The following PDE1C variants were observed in gnomAD, a reference collection of about 807,000 sequenced individuals.
PDE1C encodes the protein phosphodiesterase 1C.
A neutral mutation model predicts 93.1 loss-of-function variants in PDE1C; 62 were observed. That is an observed-to-expected ratio of 0.67 (90% CI 0.54 to 0.82). PDE1C has a LOEUF of 0.82. Ranked by LOEUF, PDE1C falls within the 40% of genes least tolerant of loss-of-function variation. The pLI is 0.00. For synonymous variants in PDE1C, 325 were observed against 310.1 expected, an observed-to-expected ratio of 1.05 and a Z score of -0.50; for missense variants, 742 against 884.6, an observed-to-expected ratio of 0.84 and a Z score of 2.04.
Position 32,391,968 on chromosome 7 carries a change from A to G in PDE1C, c.310+35854T>C, listed in dbSNP as rs550302057. Among the ~76,000 whole-genome samples the G allele has an allele frequency of 8.5e-5, 13 of 152,154 alleles. No homozygotes were observed. The South Asian group carries it at 1.2e-3, about 15-fold the overall frequency. ...GCAAAACAAGCAGGAGGAAGGAAAT[A>G]ATGAAGATTAGAGCGAAATATCCAT... On this transcript the variant is annotated intron_variant, in intron 1 of 1. Transcript: ENST00000672256.
At chr7:32,389,721 G>A (rs1337793805) in intron 1 of PDE1C, among the ~76,000 whole-genome samples, 1 of 152,158 alleles carries the variant, frequency 6.6e-6, no homozygotes. Context: ...ACTAATAATA[G>A]CATCTGTTAA....
At chr7:31,682,908 T>C in the PDE1C span, among the ~76,000 whole-genome samples, 1 of 152,172 alleles carries the variant, frequency 6.6e-6, no homozygotes, top group African/African-American at 2.4e-5. Context: ...TGATTTAATT[T>C]ATATAACATT....
chr7:32,017,589 G>C (rs1788076897), intron 2 of PDE1C, among the ~76,000 whole-genome samples: 1 of 152,078 alleles, frequency 6.6e-6, no homozygotes, highest in Non-Finnish European at 1.5e-5. Context: ...GATAACATTT[G>C]CAATCCCTAT....
At chr7:32,247,108 A>T (rs1169832801) in intron 1 of PDE1C, among the ~76,000 whole-genome samples, 1 of 152,248 alleles carries the variant, frequency 6.6e-6, no homozygotes, top group Non-Finnish European at 1.5e-5. Context: ...GGCTCCACAG[A>T]AAAGATGACA....
At chr7:32,158,358 C>T (rs113478133) in intron 3 of PDE1C, among the ~76,000 whole-genome samples, 3,030 of 152,174 alleles carry the variant, frequency 0.02, 53 homozygotes, top group Non-Finnish European at 0.029. Context: ...AACAATGCTC[C>T]CATAACTGAG....
intron 2 of PDE1C, among the ~76,000 whole-genome samples, chr7:32,008,606 G>T (rs1432880931): frequency 6.6e-6 from 1 of 152,138 alleles, no homozygotes; most frequent in Non-Finnish European, 1.5e-5. Context: ...GACACCTCCA[G>T]TCAATATGTC....
intron 2 of PDE1C, among the ~76,000 whole-genome samples, chr7:32,007,828 C>T (rs770380468): frequency 2.6e-5 from 4 of 152,094 alleles, no homozygotes; most frequent in Admixed American, 1.3e-4. Context: ...TAAAACAGTA[C>T]GTGGCACAGG....
chr7:32,067,451 A>G (rs1795535605), intron 1 of PDE1C, among the ~76,000 whole-genome samples: 1 of 152,172 alleles, frequency 6.6e-6, no homozygotes, highest in South Asian at 2.1e-4. Context: ...AAAATAAAGC[A>G]TGGCAGGGTA....
intron 1 of PDE1C, among the ~76,000 whole-genome samples, chr7:32,362,192 G>T (rs1384243620): frequency 6.6e-6 from 1 of 152,172 alleles, no homozygotes; most frequent in African/African-American, 2.4e-5. Context: ...CCAGAGGGAG[G>T]ATGTGTGTAA....
intron 12 of PDE1C, 124 bp from the exon 13 acceptor site, chr7:31,825,111 C>G (rs1789492407): frequency 8.2e-7 from 1 of 1,213,084 alleles, no homozygotes; most frequent in Non-Finnish European, 1.2e-6. Context: ...ATCTTATGTA[C>G]TGTATGTATT....
intron 3 of PDE1C, among the ~76,000 whole-genome samples, chr7:32,157,533 C>T (rs1439253168): frequency 4.0e-5 from 2 of 50,268 alleles, no homozygotes; most frequent in South Asian, 1.2e-3. Flanking sequence ...TGTGTGCTTC[C>T]AGAGTGGAGC....
chr7:32,078,231 A>G (rs1796463689), intron 3 of PDE1C, among the ~76,000 whole-genome samples: 1 of 152,204 alleles, frequency 6.6e-6, no homozygotes, highest in Non-Finnish European at 1.5e-5. Context: ...TCAGATAAGG[A>G]ACGAGCAGCT....
At chr7:31,686,287 C>T in the PDE1C span, among the ~76,000 whole-genome samples, 1 of 152,150 alleles carries the variant, frequency 6.6e-6, no homozygotes, top group African/African-American at 2.4e-5. Context: ...CTCCTCCAAA[C>T]CCCAGTGGGC....
rs777229437 is a variant in PDE1C at position 32,247,238 on chromosome 7, G to A, written c.86-37699C>T. ...GGAAATGACTAGAGAGGTTTTGTGC[G>A]AATTGAAGCAGTGGCCACAGACCAG... On this transcript the variant is annotated intron_variant, in intron 1 of 18. Transcript: ENST00000396193. Among the ~76,000 whole-genome samples the A allele has an allele frequency of 2.7e-5, 4 of 150,190 alleles. 1 individual carries two copies. The highest frequency in any genetic ancestry group is 2.1e-4 in the South Asian group (1 of 4,790).
intron 16 of PDE1C, chr7:31,788,308 CA>C (rs776444278): frequency 1.3e-5 from 2 of 150,378 alleles, no homozygotes; most frequent in Non-Finnish European, 2.9e-5. Flanking sequence ...AATTTCAATA[CA>C]AAATCATACC....
chr7:31,792,281 C>T (rs915059466), intron 16 of PDE1C, among the ~76,000 whole-genome samples: 4 of 152,090 alleles, frequency 2.6e-5, no homozygotes, highest in African/African-American at 9.7e-5. Context: ...AGGGAAAACA[C>T]CTCATTTATC....
At chr7:32,295,848 C>T (rs867572693) in intron 1 of PDE1C, among the ~76,000 whole-genome samples, 7 of 137,412 alleles carry the variant, frequency 5.1e-5, no homozygotes, top group African/African-American at 1.4e-4. Context: ...GAGCTGAGAT[C>T]GGGTCACTGC....
chr7:32,249,911 G>C lies in PDE1C; in HGVS notation c.86-40372C>G, dbSNP rs559526831. ...ATTGTATAGTCCATGCAATAAGGTA[G>C]AGTATCAAATAAAGAATATAAATAC... On this transcript the variant is annotated intron_variant, in intron 1 of 18. Coordinates refer to the PDE1C transcript ENST00000396193. Among the ~76,000 whole-genome samples, 67 of 152,270 alleles carry C rather than the reference G, an allele frequency of 4.4e-4. 1 individual carries two copies. Among genetic ancestry groups the C allele is most frequent in the African/African-American group, 1.6e-3 (66 of 41,546 alleles).
At chr7:32,040,587 C>T (rs1363638016) in intron 2 of PDE1C, among the ~76,000 whole-genome samples, 3 of 152,116 alleles carry the variant, frequency 2.0e-5, no homozygotes, top group Non-Finnish European at 2.9e-5. Context: ...TATAATTGAA[C>T]AGAAGCCAGG....
Sources: allele counts gnomAD v4.1 joint callset (sites outside exome capture counted in the v4.1 genomes callset), GRCh38; gene constraint gnomAD v4.1.1; transcripts MANE v1.5; gene names NCBI Gene and HGNC (gene_info 2026-07-23, HGNC 2026-07-21).